Variants in HTR4 observed in about 807,000 individuals in gnomAD.
HTR4 encodes the protein 5-hydroxytryptamine (serotonin) receptor 4, G protein-coupled.
HTR4 carries 16 observed loss-of-function variants against 36.8 expected under a neutral mutation model. That is an observed-to-expected ratio of 0.43 (90% CI 0.29 to 0.66). The LOEUF is 0.66. Ranked by LOEUF, HTR4 falls within the 30% of genes least tolerant of loss-of-function variation. The probability of loss-of-function intolerance (pLI) is 0.13; values close to 1 mark genes in which losing one functional copy is unlikely to be tolerated. For synonymous variants in HTR4, 189 were observed against 185.1 expected, an observed-to-expected ratio of 1.02 and a Z score of -0.17; for missense variants, 438 against 490.9, an observed-to-expected ratio of 0.89 and a Z score of 1.02.
chr5:148,648,667 A>C (rs909872985), intron 1 of HTR4, among the ~76,000 whole-genome samples: 1 of 152,216 alleles, frequency 6.6e-6, no homozygotes, highest in African/African-American at 2.4e-5. Context: ...TCAGGCATCC[A>C]CTACACCACT....
intron 2 of HTR4, among the ~76,000 whole-genome samples, chr5:148,624,062 C>T (rs991856948): frequency 4.6e-5 from 7 of 152,250 alleles, no homozygotes; most frequent in African/African-American, 1.7e-4. Context: ...AGCTTTAGCA[C>T]AGCACCTGGA....
chr5:148,615,685 A>T (rs1212280223), intron 2 of HTR4, among the ~76,000 whole-genome samples: 1 of 147,910 alleles, frequency 6.8e-6, no homozygotes, highest in African/African-American at 2.6e-5. Flanking sequence ...TATAATAATT[A>T]AAAAAATAAA....
intron 4 of HTR4, among the ~76,000 whole-genome samples, chr5:148,525,305 T>C (rs1182003508): frequency 2.0e-5 from 3 of 152,222 alleles, no homozygotes; most frequent in African/African-American, 7.2e-5. Context: ...TAATGATGAA[T>C]TTGAAGTGGA....
In HTR4 at chr5:148,504,208, A is replaced by G. The variant is rs1184544238; in HGVS notation, c.1076+5248T>C. 2.8e-4 allele frequency among the ~76,000 whole-genome samples: 42 copies of G among 152,218 alleles called. 1 individual carries two copies. The highest frequency in any genetic ancestry group is 2.7e-3 in the Admixed American group (42 of 15,274). ...GAATATACATTCGTCTCAGCACCAC[A>G]TCACACTTATTCCAAAATTGTCCAC... On this transcript the variant is annotated intron_variant, in intron 6 of 6. Coordinates refer to ENST00000377888, the MANE Select transcript of HTR4 (RefSeq NM_000870.7).
chr5:148,548,336 T>C (rs13359903), intron 4 of HTR4, among the ~76,000 whole-genome samples: 32,140 of 152,178 alleles, frequency 0.21, 4,597 homozygotes, highest in African/African-American at 0.41. Context: ...TCTTGATGCT[T>C]AGCTTCTTCA....
At chr5:148,503,978 A>T (rs1201595988) in intron 6 of HTR4, among the ~76,000 whole-genome samples, 2 of 152,232 alleles carry the variant, frequency 1.3e-5, no homozygotes, top group African/African-American at 2.4e-5. Flanking sequence ...ATACAGGCGG[A>T]CCCAGATTCA....
intron 2 of HTR4, among the ~76,000 whole-genome samples, chr5:148,578,600 T>A (rs556429632): frequency 3.3e-5 from 5 of 152,234 alleles, no homozygotes; most frequent in South Asian, 2.1e-4. Context: ...GCAGACGGTA[T>A]AATCGCTAAA....
Position 148,509,549 on chromosome 5 carries a change from C to T in HTR4, c.983G>A (p.Cys328Tyr). The stretch of plus-strand genomic sequence containing the variant: ...TCTTCGGTAGCGCTCATCATCACAG[C>T]AGAGGATGATGAGGAAGGCACGTCT... ...SFRRAFLIILCCDDERYRRPS... is the reference protein window; with the variant it reads ...SFRRAFLIILYCDDERYRRPS... Residue 328 changes from cysteine (C) to tyrosine (Y), a missense_variant, in exon 6 of 7, where the codon TGC (cysteine) becomes TAC (tyrosine). Physicochemically the swap from Cys to Tyr is radical, Grantham distance 194 (BLOSUM62 -2). Transcript: ENST00000377888. 1 of 1,613,698 alleles carries T rather than the reference C, an allele frequency of 6.2e-7. No individual in the cohort carries two copies.
intron 4 of HTR4, among the ~76,000 whole-genome samples, chr5:148,541,559 A>G (rs1246074070): frequency 6.6e-6 from 1 of 152,206 alleles, no homozygotes; most frequent in Non-Finnish European, 1.5e-5. Flanking sequence ...CCCAACAGTC[A>G]TTGGAGAAGG....
intron 2 of HTR4, among the ~76,000 whole-genome samples, chr5:148,605,256 CTT>C (rs869039969): frequency 2.8e-4 from 12 of 42,634 alleles, no homozygotes; most frequent in South Asian, 6.1e-4. Context: ...CTTTTCTTTT[CTT>C]TTTTTTTTTT....
intron 1 of HTR4, among the ~76,000 whole-genome samples, chr5:148,649,765 CT>C (rs1429844395): frequency 6.6e-6 from 1 of 152,154 alleles, no homozygotes; most frequent in African/African-American, 2.4e-5. Context: ...AATTATTGAC[CT>C]TTCAGTCTTG....
intron 4 of HTR4, among the ~76,000 whole-genome samples, chr5:148,527,690 C>T (rs1180276043): frequency 6.6e-6 from 1 of 152,038 alleles, no homozygotes; most frequent in Non-Finnish European, 1.5e-5. Context: ...TCTTGGCTCA[C>T]TGCAACCTCC....
chr5:148,524,957 C>T (rs73268317), intron 4 of HTR4, among the ~76,000 whole-genome samples: 2,160 of 152,166 alleles, frequency 0.014, 52 homozygotes, highest in African/African-American at 0.049. Context: ...GGAGAAATAC[C>T]CGCTTTCCTA....
Position 148,463,165 on chromosome 5 carries a change from CTTTTTTTT to C in HTR4, c.1077-11901_1077-11894del, listed in dbSNP as rs71001490. 2.0e-4 allele frequency among the ~76,000 whole-genome samples: 13 copies of C among 64,136 alleles called. No homozygotes were observed. In the South Asian group the frequency reaches 2.3e-3, roughly 11 times the overall value. 42.1% of individuals were successfully genotyped at this position (64,136 alleles called of 152,430 possible). A position where few individuals can be genotyped will look rare whatever the true frequency, so the allele number is the denominator to read the frequency against. On this transcript the variant is annotated intron_variant, in intron 5 of 5. Transcript: ENST00000521530. Reference sequence around the variant, plus strand: ...CTTTGCTTTTCATTTCTTTTTTTTTCTTTTTTTTTTTTTTTTTTTTTTTTTGAGACGGA... The same window carrying C: ...CTTTGCTTTTCATTTCTTTTTTTTTCTTTTTTTTTTTTTTTTTGAGACGGA...
chr5:148,517,803 C>A (rs1757832880), intron 5 of HTR4, among the ~76,000 whole-genome samples: 2 of 152,150 alleles, frequency 1.3e-5, no homozygotes, highest in Middle Eastern at 3.2e-3. Context: ...CAGAAAGATT[C>A]TTTAACAATA....
chr5:148,461,939 G>A (rs1229735599), intron 5 of HTR4: 3 of 151,928 alleles, frequency 2.0e-5, no homozygotes, highest in Non-Finnish European at 2.9e-5. Context: ...AATTAAAGTA[G>A]AAATCTATAA....
At chr5:148,583,844 G>A (rs1301413984) in intron 2 of HTR4, among the ~76,000 whole-genome samples, 1 of 151,976 alleles carries the variant, frequency 6.6e-6, no homozygotes, top group Non-Finnish European at 1.5e-5. Context: ...CCCCAAGGAG[G>A]GCTGTGGTTG....
intron 5 of HTR4, among the ~76,000 whole-genome samples, chr5:148,470,715 G>C (rs534227220): frequency 6.6e-6 from 1 of 152,162 alleles, no homozygotes; most frequent in East Asian, 1.9e-4. Flanking sequence ...TTGAGATGGA[G>C]TCTCGTTCTG....
chr5:148,622,132 C>T (rs1752939546), intron 2 of HTR4, among the ~76,000 whole-genome samples: 1 of 152,116 alleles, frequency 6.6e-6, no homozygotes, highest in Non-Finnish European at 1.5e-5. Flanking sequence ...ATCATTCCTC[C>T]CAATCTAAGA....
Sources: gnomAD v4.1 joint callset for allele counts (sites outside exome capture counted in the v4.1 genomes callset) on GRCh38, gnomAD v4.1.1 for gene constraint, MANE v1.5 for transcripts, NCBI Gene and HGNC (gene_info 2026-07-23, HGNC 2026-07-21) for gene names.